Variants in TMEM131 observed in about 807,000 individuals in gnomAD.
TMEM131 encodes transmembrane protein 131, also known as 2610524E03Rik.
In TMEM131, 66 loss-of-function variants were observed where a neutral mutation model predicts 211.6. The observed-to-expected ratio is 0.31, with a 90% confidence interval of 0.26 to 0.38. The LOEUF is 0.38. TMEM131 is among the 10% of genes least tolerant of loss of function. The pLI is 1.00. For missense variants in TMEM131, 2,036 were observed against 2,299.3 expected (o/e 0.89, Z 2.34); for synonymous variants, 844 against 841.3 (o/e 1.00, Z -0.06).
At chr2:97,823,740 C>A (rs758357701) in intron 11 of TMEM131, among the ~76,000 whole-genome samples, 22 of 152,152 alleles carry the variant, frequency 1.4e-4, no homozygotes, top group Non-Finnish European at 2.5e-4. Flanking sequence ...TCCACCATAA[C>A]TCAGGGAAAG....
intron 35 of TMEM131, chr2:97,763,366 T>G (rs1678967853): frequency 6.5e-6 from 1 of 152,878 alleles, no homozygotes; most frequent in Non-Finnish European, 1.5e-5. Context: ...CCTGCTACCT[T>G]CTCTCTCACC....
chr2:97,953,723 G>A (rs996150752), intron 1 of TMEM131, among the ~76,000 whole-genome samples: 2 of 152,178 alleles, frequency 1.3e-5, no homozygotes, highest in African/African-American at 4.8e-5. Flanking sequence ...TTAAGCTACC[G>A]TGGACCATGC....
At position 97,973,421 on chromosome 2, in the gene TMEM131, T is replaced by C. The variant is rs113116337; in HGVS notation, c.187+22055A>G. ...GCCCAGCTTACTGCCTCAAGGGAGT[T>C]ACTAGGCCACAGTGCAGGGAGGGGA... On this transcript the variant is annotated intron_variant, in intron 1 of 40. Transcript: ENST00000186436. 2.1e-3 allele frequency among the ~76,000 whole-genome samples: 317 copies of C among 152,276 alleles called. 2 individuals carry two copies. The highest frequency in any genetic ancestry group is 0.017 in the Middle Eastern group (5 of 294).
At chr2:97,995,332 G>T in intron 1 of TMEM131, 144 bp downstream of exon 1, 1 of 746,022 alleles carries the variant, frequency 1.3e-6, no homozygotes, top group Non-Finnish European at 1.8e-6. Flanking sequence ...CGGGCGCCGC[G>T]AGGTCCCGGC....
At chr2:97,761,245 C>G (rs1403296572) in intron 36 of TMEM131, 1 of 211,744 alleles carries the variant, frequency 4.7e-6, no homozygotes, top group East Asian at 1.1e-4. Flanking sequence ...AGGGCAGCCA[C>G]CGACACCGGA....
At chr2:97,867,777 G>A (rs1195946267) in intron 4 of TMEM131, among the ~76,000 whole-genome samples, 5 of 152,202 alleles carry the variant, frequency 3.3e-5, no homozygotes. Context: ...TCCCTTCTCA[G>A]GGTGAAACTG....
intron 1 of TMEM131, among the ~76,000 whole-genome samples, chr2:97,981,117 C>T (rs898942783): frequency 1.5e-5 from 2 of 136,232 alleles, no homozygotes; most frequent in Non-Finnish European, 3.1e-5. Context: ...CTCTTTATAA[C>T]CTTGCTGCTT....
chr2:97,845,140 C>CA (rs2105114046), intron 5 of TMEM131, among the ~76,000 whole-genome samples: 1 of 148,232 alleles, frequency 6.7e-6, no homozygotes, highest in South Asian at 2.4e-4. Context: ...AGAATAATTA[C>CA]AATAATTCAC....
intron 1 of TMEM131, among the ~76,000 whole-genome samples, chr2:97,964,568 G>T (rs1423520686): frequency 6.6e-6 from 1 of 152,274 alleles, no homozygotes; most frequent in South Asian, 2.1e-4. Context: ...ACACACATTT[G>T]AAATATACGT....
chr2:97,948,936 C>T (rs1286937506), intron 1 of TMEM131, among the ~76,000 whole-genome samples: 1 of 152,154 alleles, frequency 6.6e-6, no homozygotes, highest in Non-Finnish European at 1.5e-5. Context: ...GGATTACAGG[C>T]GTGAGCCACC....
At chr2:97,993,837 A>C (rs1457077669) in intron 1 of TMEM131, among the ~76,000 whole-genome samples, 1 of 152,236 alleles carries the variant, frequency 6.6e-6, no homozygotes, top group Non-Finnish European at 1.5e-5. Context: ...TTGTTTACTT[A>C]ACTTTACCCA....
At chr2:97,959,558 C>CAT (rs147275719) in intron 1 of TMEM131, among the ~76,000 whole-genome samples, 1 of 150,068 alleles carries the variant, frequency 6.7e-6, no homozygotes, top group African/African-American at 2.5e-5. Context: ...TATATGTCTG[C>CAT]GTGTGTGTGT....
rs138633541 is a variant in TMEM131 at position 97,846,476 on chromosome 2, T to C, written c.484-2215A>G. On this transcript the variant is annotated intron_variant, in intron 5 of 40. Coordinates refer to ENST00000186436, the MANE Select transcript of TMEM131 (RefSeq NM_015348.2). ...AACAGCAGCATATAATTTGACAAAA[T>C]TGAATATCAAGTCATGATTTAAAAT... Among the ~76,000 whole-genome samples the C allele has an allele frequency of 7.4e-4, 113 of 152,196 alleles. No homozygotes were observed. The East Asian group carries it at 0.011, about 14-fold the overall frequency.
chr2:97,856,475 T>C (rs1332764797), intron 5 of TMEM131, among the ~76,000 whole-genome samples: 1 of 152,222 alleles, frequency 6.6e-6, no homozygotes, highest in Non-Finnish European at 1.5e-5. Flanking sequence ...TAAAACTTAG[T>C]TTGAACAATA....
At chr2:97,907,216 T>C (rs541532053) in intron 3 of TMEM131, 2 of 152,314 alleles carry the variant, frequency 1.3e-5, no homozygotes, top group South Asian at 2.1e-4. Flanking sequence ...AGACAACCCA[T>C]GCCAGTGTTA....
At chr2:97,825,872 A>C (rs919302948) in intron 11 of TMEM131, among the ~76,000 whole-genome samples, 1 of 152,212 alleles carries the variant, frequency 6.6e-6, no homozygotes, top group Non-Finnish European at 1.5e-5. Flanking sequence ...TGTCTGGACT[A>C]CTCATGATGT....
In TMEM131 at chr2:97,815,575, T is replaced by C. The variant is rs78549014; in HGVS notation, c.1184-268A>G. Among the ~76,000 whole-genome samples the C allele has an allele frequency of 4.1e-4, 62 of 152,302 alleles. 2 individuals carry two copies. The East Asian group carries it at 0.012, about 29-fold the overall frequency. The stretch of plus-strand genomic sequence containing the variant: ...GGTAAAACACTGTACCTAAGCTGCT[T>C]TGCTGTAGCCACAGGCTTTGGCTTT... On this transcript the variant is annotated intron_variant, in intron 12 of 40. Coordinates refer to ENST00000186436, the MANE Select transcript of TMEM131 (RefSeq NM_015348.2).
intron 1 of TMEM131, among the ~76,000 whole-genome samples, chr2:97,931,802 G>A (rs1254479196): frequency 2.6e-5 from 4 of 152,198 alleles, no homozygotes; most frequent in African/African-American, 2.4e-5. Flanking sequence ...CCAAAGCTGT[G>A]TTACAGAGTC....
At chr2:97,987,620 TTTC>T (rs1157100437) in intron 1 of TMEM131, among the ~76,000 whole-genome samples, 1 of 152,260 alleles carries the variant, frequency 6.6e-6, no homozygotes, top group Non-Finnish European at 1.5e-5. Context: ...CGCAGCATTT[TTTC>T]TTGTTTCAAA....
Sources: gnomAD v4.1 joint callset for allele counts (sites outside exome capture counted in the v4.1 genomes callset) on GRCh38, gnomAD v4.1.1 for gene constraint, MANE v1.5 for transcripts, NCBI Gene and HGNC (gene_info 2026-07-23, HGNC 2026-07-21) for gene names.